Variants in ZFYVE9 observed in about 807,000 individuals in gnomAD.
ZFYVE9 encodes the protein zinc finger FYVE-type containing 9, also known as zinc finger FYVE domain-containing protein 9.
ZFYVE9 carries 43 observed loss-of-function variants against 126.7 expected under a neutral mutation model. The observed-to-expected ratio is 0.34, with a 90% CI of 0.27 to 0.44. ZFYVE9 has a LOEUF of 0.44. Among genes scored for constraint, ZFYVE9 ranks in the 20% least tolerant of loss-of-function variants. The pLI is 1.00. For synonymous variants in ZFYVE9, 521 were observed against 597.4 expected (o/e 0.87, Z 1.87); for missense variants, 1,476 against 1,697.0 (o/e 0.87, Z 2.29).
In ZFYVE9 at chr1:52,237,946, C is replaced by T. The variant is rs768997160; in HGVS notation, c.529C>T (p.Leu177Phe). Residue 177 changes from leucine (L) to phenylalanine (F), a missense_variant, in exon 4 of 19, where the codon CTT becomes TTT. By Grantham distance (22) the Leu-to-Phe change is conservative. Coordinates refer to ENST00000287727, the MANE Select transcript of ZFYVE9 (RefSeq NM_004799.4). ...QDCNNYNSQSLMDAFSCSLDN... is the reference protein window; with the variant it reads ...QDCNNYNSQSFMDAFSCSLDN... ...TTGTAATAATTATAATAGTCAATCC[C>T]TTATGGATGCTTTTAGCTGTTCACT... 3.1e-6 allele frequency: 5 copies of T among 1,613,990 alleles called. No individual in the cohort carries two copies. Among genetic ancestry groups the T allele is most frequent in the South Asian group, 1.1e-5 (1 of 91,064 alleles).
chr1:52,221,642 G>A (rs1572111129), intron 2 of ZFYVE9, among the ~76,000 whole-genome samples: 2 of 152,130 alleles, frequency 1.3e-5, no homozygotes, highest in African/African-American at 4.8e-5. Context: ...GGCCATCCAC[G>A]GGTTACGGGG....
chr1:52,226,108 G>A (rs1645168488), intron 2 of ZFYVE9, among the ~76,000 whole-genome samples: 1 of 152,124 alleles, frequency 6.6e-6, no homozygotes, highest in Non-Finnish European at 1.5e-5. Context: ...TGCAGGGAAG[G>A]CTGGTTGCCC....
intron 1 of ZFYVE9, among the ~76,000 whole-genome samples, chr1:52,144,344 C>T (rs1378260300): frequency 6.6e-6 from 1 of 151,956 alleles, no homozygotes; most frequent in African/African-American, 2.4e-5. Flanking sequence ...ATACAGTTCT[C>T]AGTGTGTCCC....
chr1:52,205,573 A>G (rs535652115), intron 1 of ZFYVE9, among the ~76,000 whole-genome samples: 28 of 148,188 alleles, frequency 1.9e-4, no homozygotes, highest in African/African-American at 6.1e-4. Context: ...GGGTCTCGCT[A>G]TGTTGCCCAG....
At chr1:52,325,511 CTG>C (rs1646282110) in intron 13 of ZFYVE9, among the ~76,000 whole-genome samples, 1 of 152,066 alleles carries the variant, frequency 6.6e-6, no homozygotes, top group Non-Finnish European at 1.5e-5. Flanking sequence ...GAAGGCGAGA[CTG>C]TCTCAAGAAA....
chr1:52,203,841 C>CCTA lies in ZFYVE9; in HGVS notation c.-142-12527_-142-12525dup, dbSNP rs758251973. ...TTCTTTCCTCAGTCATGTCCTGTCT[C>CCTA]CTAAATAAGCCTATCAAAGGCATTC... On this transcript the variant is annotated intron_variant, in intron 1 of 18. Transcript: ENST00000287727. Among the ~76,000 whole-genome samples, 16 of 152,122 alleles carry CCTA rather than the reference C, an allele frequency of 1.1e-4. No homozygotes were observed. The East Asian group carries it at 2.7e-3, about 26-fold the overall frequency.
chr1:52,221,996 G>A (rs922346350), intron 2 of ZFYVE9, among the ~76,000 whole-genome samples: 28 of 152,188 alleles, frequency 1.8e-4, no homozygotes, highest in Admixed American at 6.5e-5. Context: ...TAAAGGCAAA[G>A]ATACCATACC....
At chr1:52,308,142 A>G (rs544293718) in intron 13 of ZFYVE9, among the ~76,000 whole-genome samples, 29 of 152,246 alleles carry the variant, frequency 1.9e-4, no homozygotes, top group South Asian at 6.2e-4. Flanking sequence ...TGTTGTGTCT[A>G]ATAATTCCAC....
At chr1:52,235,770 T>C (rs980071198) in intron 3 of ZFYVE9, among the ~76,000 whole-genome samples, 2 of 152,162 alleles carry the variant, frequency 1.3e-5, no homozygotes, top group Admixed American at 6.5e-5. Flanking sequence ...AAACTGTCTT[T>C]GAAGCATAGC....
At chr1:52,293,765 GC>G (rs1332685081) in intron 11 of ZFYVE9, 88 bp downstream of exon 11, 1 of 1,277,432 alleles carries the variant, frequency 7.8e-7, no homozygotes, top group African/African-American at 1.5e-5. Flanking sequence ...ATATAATTCA[GC>G]AGAAATAGTC....
intron 4 of ZFYVE9, among the ~76,000 whole-genome samples, chr1:52,250,378 T>C (rs1015509581): frequency 1.3e-5 from 2 of 152,230 alleles, no homozygotes; most frequent in Non-Finnish European, 2.9e-5. Context: ...TTTGATGCTA[T>C]TGTAAATGGA....
intron 1 of ZFYVE9, among the ~76,000 whole-genome samples, chr1:52,202,165 C>T (rs113081230): frequency 7.9e-5 from 12 of 151,918 alleles, no homozygotes; most frequent in East Asian, 1.9e-4. Context: ...GTCTTTTTTT[C>T]CTCTTTCTTC....
At chr1:52,244,339 AG>A (rs1445441479) in intron 4 of ZFYVE9, among the ~76,000 whole-genome samples, 1 of 152,174 alleles carries the variant, frequency 6.6e-6, no homozygotes, top group African/African-American at 2.4e-5. Context: ...TTTAGGAGAA[AG>A]GGAGGATTAA....
intron 10 of ZFYVE9, 115 bp downstream of exon 10, chr1:52,281,931 A>G: frequency 8.7e-7 from 1 of 1,153,800 alleles, no homozygotes; most frequent in South Asian, 1.4e-5. Flanking sequence ...GGACTTTGAT[A>G]TTAGTGGCAA....
At chr1:52,205,907 A>C (rs1037746339) in intron 1 of ZFYVE9, among the ~76,000 whole-genome samples, 1 of 152,132 alleles carries the variant, frequency 6.6e-6, no homozygotes, top group Non-Finnish European at 1.5e-5. Context: ...TCTTTCCATG[A>C]ATTTATCCCT....
intron 13 of ZFYVE9, among the ~76,000 whole-genome samples, chr1:52,315,095 G>A (rs1646172154): frequency 6.6e-6 from 1 of 152,166 alleles, no homozygotes; most frequent in Non-Finnish European, 1.5e-5. Flanking sequence ...AAATTTATAG[G>A]TAAACATAAC....
At chr1:52,265,862 T>C (rs1645628533) in intron 5 of ZFYVE9, among the ~76,000 whole-genome samples, 1 of 152,242 alleles carries the variant, frequency 6.6e-6, no homozygotes, top group South Asian at 2.1e-4. Flanking sequence ...CTTAAAATTT[T>C]ACAGTAGAGT....
intron 4 of ZFYVE9, among the ~76,000 whole-genome samples, chr1:52,262,796 G>A (rs570517814): frequency 6.6e-6 from 1 of 152,182 alleles, no homozygotes; most frequent in Non-Finnish European, 1.5e-5. Context: ...ATCTGGCCGG[G>A]TGTGGTGGCT....
Position 52,344,722 on chromosome 1 carries a change from C to T in ZFYVE9, c.3940-46C>T, listed in dbSNP as rs781599146. 3.7e-6 allele frequency: 6 copies of T among 1,602,978 alleles called. No homozygotes were observed. The African/African-American group carries it at 8.0e-5, about 22-fold the overall frequency. ...ATACAGTGAGCTAATCTACTTCTCC[C>T]AAAATCTAGGCACAAGTTTAAAAGT... On this transcript the variant is annotated intron_variant, in intron 17 of 18. Coordinates refer to ENST00000287727, the MANE Select transcript of ZFYVE9 (RefSeq NM_004799.4).
Sources: allele counts gnomAD v4.1 joint callset (sites outside exome capture counted in the v4.1 genomes callset), GRCh38; gene constraint gnomAD v4.1.1; transcripts MANE v1.5; gene names NCBI Gene and HGNC (gene_info 2026-07-23, HGNC 2026-07-21).